SLC38A3: variants seen among roughly 807,000 people sequenced by gnomAD.
SLC38A3 encodes sodium-coupled neutral amino acid transporter 3.
A neutral mutation model predicts 59.5 loss-of-function variants in SLC38A3; 17 were observed. That is an observed-to-expected ratio of 0.29 (90% CI 0.20 to 0.43). The LOEUF (loss-of-function observed/expected upper bound fraction) is 0.43. Among genes scored for constraint, SLC38A3 ranks in the 20% least tolerant of loss-of-function variants. SLC38A3 has a pLI of 1.00. For synonymous variants in SLC38A3, 238 were observed against 260.3 expected (o/e 0.91, Z 0.82); for missense variants, 454 against 653.9 (o/e 0.69, Z 3.33).
In SLC38A3 at chr3:50,214,613, G is replaced by T; in HGVS notation, c.184-40G>T. 1 of 1,517,572 alleles carries T rather than the reference G, an allele frequency of 6.6e-7. No individual in the cohort carries two copies. Among genetic ancestry groups the T allele is most frequent in the Non-Finnish European group, 9.1e-7 (1 of 1,103,812 alleles). 94.0% of individuals were successfully genotyped at this position (1,517,572 alleles called of 1,614,324 possible). On this transcript the variant is annotated intron_variant, in intron 3 of 15. Coordinates refer to ENST00000614032, the MANE Select transcript of SLC38A3 (RefSeq NM_006841.6). This position sits in a 1 kb window ranked among gnomAD's most constrained non-coding sequence, Gnocchi z 6.0. ...GGCTGCGATGCCCCTGTCCCTTGCT[G>T]ACTCCTCCCACCCTCCCCGTCCCAT...
rs1163113726 is a variant in SLC38A3, at chr3:50,214,891, A to G, written c.299+123A>G. On this transcript the variant is annotated intron_variant, in intron 4 of 15. Transcript: ENST00000614032. The surrounding 1 kb of genome is among the most constrained non-coding windows in gnomAD (Gnocchi z 6.0). ...GCTGCAGTGGGTGGGCACTTCTTAC[A>G]CTAACAAACCGCGGCTGAAAAAAAC... The G allele has an allele frequency of 4.3e-6, 3 of 694,030 alleles. No individual in the cohort carries two copies. The Admixed American group carries it at 8.1e-5, about 19-fold the overall frequency. 43.0% of individuals were successfully genotyped at this position (694,030 alleles called of 1,614,324 possible).
At chr3:50,206,515 G>A (rs35137368) in intron 1 of SLC38A3, among the ~76,000 whole-genome samples, 41,389 of 152,172 alleles carry the variant, frequency 0.27, 6,106 homozygotes, top group Middle Eastern at 0.38. Context: ...TCAGTCTGGG[G>A]GATAGAAAGC....
chr3:50,217,646 C>G lies in SLC38A3; in HGVS notation c.691-30C>G. The G allele has an allele frequency of 6.2e-7, 1 of 1,611,542 alleles. No individual in the cohort carries two copies. On this transcript the variant is annotated intron_variant, in intron 9 of 15. Coordinates refer to ENST00000614032, the MANE Select transcript of SLC38A3 (RefSeq NM_006841.6). The surrounding 1 kb of genome is among the most constrained non-coding windows in gnomAD (Gnocchi z 4.9). ...TTCCCAGGCAGTCCAGCCTGGGAGT[C>G]TCTGACACCCTCATCCCTCCCCACT...
chr3:50,212,985 G>A (rs1699755028), intron 1 of SLC38A3, among the ~76,000 whole-genome samples: 1 of 152,234 alleles, frequency 6.6e-6, no homozygotes, highest in South Asian at 2.1e-4. Context: ...CTCCTGGCCA[G>A]GCTGGCCTTC....
At position 50,214,176 on chromosome 3, in the gene SLC38A3, G is replaced by T; in HGVS notation, c.-24G>T. On this transcript the variant is annotated 5_prime_UTR_variant, in exon 2 of 16. Transcript: ENST00000614032. The surrounding 1 kb of genome is among the most constrained non-coding windows in gnomAD (Gnocchi z 6.0). ...ATCTGACTGTTGGTGTGAGACCAGT[G>T]CTCCTGGTGGTGTGCCCTGAGCCAT... 6.2e-7 allele frequency: 1 copy of T among 1,602,746 alleles called. No individual in the cohort carries two copies. Among genetic ancestry groups the T allele is most frequent in the Non-Finnish European group, 8.5e-7 (1 of 1,171,302 alleles).
At chr3:50,210,935 C>G (rs186308795) in intron 1 of SLC38A3, among the ~76,000 whole-genome samples, 202 of 152,304 alleles carry the variant, frequency 1.3e-3, no homozygotes, top group Middle Eastern at 3.4e-3. Flanking sequence ...ATGGACTGTT[C>G]TGGGGATGAA....
Position 50,218,369 on chromosome 3 carries a change from C to A in SLC38A3, c.1035C>A (p.Tyr345Ter), listed in dbSNP as rs1206827259. Reference protein sequence around the residue: ...LAALFGYLTFYNGVESELLHT... With the variant: ...LAALFGYLTF ...CCCTCTTCGGCTACCTCACCTTCTACAGTACGGTGGCACCGGTGGGCAGAG... is the reference window on the plus strand; with the variant it reads ...CCCTCTTCGGCTACCTCACCTTCTAAAGTACGGTGGCACCGGTGGGCAGAG... The change falls in exon 12 of 16, where the codon TAC becomes TAA. Residue 345 changes from tyrosine (Y) to a stop codon, truncating the protein, a stop_gained and splice_region_variant. Coordinates refer to ENST00000614032, the MANE Select transcript of SLC38A3 (RefSeq NM_006841.6). LOFTEE classifies it high-confidence loss of function. The surrounding 1 kb of genome is among the most constrained non-coding windows in gnomAD (Gnocchi z 5.8). 1 of 1,602,128 alleles carries A rather than the reference C, an allele frequency of 6.2e-7. No individual in the cohort carries two copies. Among genetic ancestry groups the A allele is most frequent in the Non-Finnish European group, 8.6e-7 (1 of 1,169,076 alleles).
chr3:50,219,056 A>G, intron 14 of SLC38A3, 108 bp downstream of exon 14: 1 of 1,388,368 alleles, frequency 7.2e-7, no homozygotes, highest in South Asian at 1.3e-5. Context: ...TGCAGTGGCC[A>G]TGTGCACAGT....
chr3:50,218,894 A>G lies in SLC38A3; in HGVS notation c.1252A>G (p.Ile418Val). 6.2e-7 allele frequency: 1 copy of G among 1,613,608 alleles called. No homozygotes were observed. Among genetic ancestry groups the G allele is most frequent in the South Asian group, 1.1e-5 (1 of 91,080 alleles). ...TATTGCCGTTGGCCTGCTCACTTGTATCAACCTGCTGGTCATCTTTGCCCC... is the reference window on the plus strand; with the variant it reads ...TATTGCCGTTGGCCTGCTCACTTGTGTCAACCTGCTGGTCATCTTTGCCCC... ...VLIAVGLLTC[I>V]NLLVIFAPNI... Residue 418 changes from isoleucine (I) to valine (V), a missense_variant, in exon 14 of 16, where the codon ATC (isoleucine) becomes GTC (valine). Ile to Val is a conservative substitution (Grantham distance 29). Around this residue, in one of 3 missense-constraint regions of SLC38A3, gnomAD observed 390 missense variants for 557.9 expected, o/e 0.70. Transcript: ENST00000614032. The surrounding 1 kb of genome is among the most constrained non-coding windows in gnomAD (Gnocchi z 5.8).
intron 1 of SLC38A3, among the ~76,000 whole-genome samples, chr3:50,211,334 T>G (rs1001491722): frequency 2.0e-5 from 3 of 152,194 alleles, no homozygotes; most frequent in Admixed American, 6.5e-5. Context: ...CTCCCTGCCC[T>G]GGACCAAAGT....
At chr3:50,216,462 C>T (rs1699821409) in intron 7 of SLC38A3, among the ~76,000 whole-genome samples, 1 of 152,250 alleles carries the variant, frequency 6.6e-6, no homozygotes, top group Non-Finnish European at 1.5e-5. Flanking sequence ...GTATCCATTC[C>T]TGGTGGGTAG....
In SLC38A3 at chr3:50,219,762, G is replaced by A. The variant is rs587705386; in HGVS notation, c.1307-119G>A. On this transcript the variant is annotated intron_variant, in intron 14 of 15. Coordinates refer to ENST00000614032, the MANE Select transcript of SLC38A3 (RefSeq NM_006841.6). ...GGCTAGAATCAGGCAGAGCTCTCCA[G>A]TGGTCTCAACATGAAACTCCCTCAA... 2.0e-5 allele frequency: 16 copies of A among 789,046 alleles called. No homozygotes were observed. In the African/African-American group the frequency reaches 2.6e-4, roughly 13 times the overall value. The allele number at this position is 789,046 out of a possible 1,614,324, so 48.9% of individuals were successfully genotyped here.
chr3:50,218,212 G>A lies in SLC38A3; in HGVS notation c.936-58G>A. On this transcript the variant is annotated intron_variant, in intron 11 of 15. Transcript: ENST00000614032. This position sits in a 1 kb window ranked among gnomAD's most constrained non-coding sequence, Gnocchi z 5.8. ...TGCCAGAGAGAGCTTGGGGCACATG[G>A]GGGTCTCCCAATGTTACCCAGCTTG... The A allele has an allele frequency of 7.8e-7, 1 of 1,275,942 alleles. No individual in the cohort carries two copies. The allele number at this position is 1,275,942 out of a possible 1,614,324, so 79.0% of individuals were successfully genotyped here. A position where few individuals can be genotyped will look rare whatever the true frequency, so the allele number is the denominator to read the frequency against.
chr3:50,219,184 G>A (rs587641434), intron 14 of SLC38A3, among the ~76,000 whole-genome samples: 21 of 152,316 alleles, frequency 1.4e-4, no homozygotes, highest in African/African-American at 2.6e-4. Flanking sequence ...ATCAGAGGCC[G>A]CCTCAAAGGA....
Position 50,218,769 on chromosome 3 carries a change from C to T in SLC38A3, c.1162-35C>T. The T allele has an allele frequency of 6.3e-7, 1 of 1,597,784 alleles. No homozygotes were observed. The highest frequency in any genetic ancestry group is 8.6e-7 in the Non-Finnish European group (1 of 1,166,712). On this transcript the variant is annotated intron_variant, in intron 13 of 15. Transcript: ENST00000614032. This position sits in a 1 kb window ranked among gnomAD's most constrained non-coding sequence, Gnocchi z 5.8. ...TAGTGGCGGGAGGGGCTGATGGGGC[C>T]AACAGGCTGATGATTCTTCTCACCT...
rs587599232 is a variant in SLC38A3 at position 50,220,912 on chromosome 3, G to T, written c.*735G>T. 2 of 152,980 alleles carry T rather than the reference G, an allele frequency of 1.3e-5. No homozygotes were observed. The highest frequency in any genetic ancestry group is 3.9e-4 in the East Asian group (2 of 5,176). The allele number at this position is 152,980 out of a possible 1,614,324, so 9.5% of individuals were successfully genotyped here. A position where few individuals can be genotyped will look rare whatever the true frequency, so the allele number is the denominator to read the frequency against. On this transcript the variant is annotated 3_prime_UTR_variant, in exon 16 of 16. Coordinates refer to ENST00000614032, the MANE Select transcript of SLC38A3 (RefSeq NM_006841.6). The stretch of plus-strand genomic sequence containing the variant: ...CTGCCCCCGGGAGCCAAAGACCCCA[G>T]TGGCCACACTGGGATAGGGTGGGGA...
intron 7 of SLC38A3, among the ~76,000 whole-genome samples, chr3:50,216,317 A>T (rs1699818689): frequency 6.6e-6 from 1 of 152,230 alleles, no homozygotes; most frequent in Admixed American, 6.5e-5. Context: ...AGGGGCTGGG[A>T]GGCTGAGAGT....
rs1232300413 is a variant in SLC38A3 at position 50,221,392 on chromosome 3, T to C, written c.*1215T>C. ...AGCTCCCAGGCTGCCATGTCAACTC[T>C]CTGTCAATGCCCTGAGTCTGGGGAC... On this transcript the variant is annotated 3_prime_UTR_variant, in exon 16 of 16. Coordinates refer to ENST00000614032, the MANE Select transcript of SLC38A3 (RefSeq NM_006841.6). 1 of 152,266 alleles carries C rather than the reference T, an allele frequency of 6.6e-6. No homozygotes were observed. Among genetic ancestry groups the C allele is most frequent in the African/African-American group, 2.4e-5 (1 of 41,458 alleles). 9.4% of individuals were successfully genotyped at this position (152,266 alleles called of 1,614,324 possible). A position where few individuals can be genotyped will look rare whatever the true frequency, so the allele number is the denominator to read the frequency against.
intron 1 of SLC38A3, among the ~76,000 whole-genome samples, chr3:50,211,568 CTTTTTT>C (rs765148889): frequency 3.2e-4 from 26 of 81,208 alleles, no homozygotes; most frequent in African/African-American, 5.0e-4. Context: ...TGCCCCCATC[CTTTTTT>C]TTTTTTTTTT....
Sources: allele counts gnomAD v4.1 joint callset (sites outside exome capture counted in the v4.1 genomes callset), GRCh38; gene constraint gnomAD v4.1.1; regional missense constraint gnomAD v4.1.1; non-coding constraint Gnocchi (gnomAD v3.1); transcripts MANE v1.5; gene names NCBI Gene and HGNC (gene_info 2026-07-23, HGNC 2026-07-21).